MAD1L1: variants seen among roughly 807,000 people sequenced by gnomAD.
The protein encoded by MAD1L1 is mitotic arrest deficient 1 like 1.
MAD1L1 carries 95 observed loss-of-function variants against 96.9 expected under a neutral mutation model. The ratio of observed to expected loss-of-function variants is 0.98; its 90% CI spans 0.83 to 1.16. MAD1L1 has a LOEUF of 1.16. Among genes scored for constraint, MAD1L1 ranks in the 50% most tolerant of loss-of-function variants. The pLI is 0.00. For synonymous variants in MAD1L1, 473 were observed against 396.6 expected (o/e 1.19, Z -2.29); for missense variants, 1,007 against 954.4 (o/e 1.06, Z -0.73).
chr7:2,191,024 C>T (rs552338774), intron 10 of MAD1L1, among the ~76,000 whole-genome samples: 1 of 152,198 alleles, frequency 6.6e-6, no homozygotes, highest in Non-Finnish European at 1.5e-5. Context: ...CAAATGTTCA[C>T]AGAATCTTTA....
intron 11 of MAD1L1, among the ~76,000 whole-genome samples, chr7:2,129,366 C>T (rs1788398386): frequency 1.3e-5 from 2 of 152,206 alleles, no homozygotes; most frequent in African/African-American, 2.4e-5. Context: ...GGTCTGTCTC[C>T]GCGGGACTGT....
At chr7:2,047,098 G>A (rs1458835579) in intron 12 of MAD1L1, among the ~76,000 whole-genome samples, 2 of 152,156 alleles carry the variant, frequency 1.3e-5, no homozygotes, top group African/African-American at 2.4e-5. Flanking sequence ...AACAGTCTTC[G>A]GCTAAGGCCC....
At chr7:2,056,742 G>A (rs998375507) in intron 12 of MAD1L1, among the ~76,000 whole-genome samples, 4 of 152,204 alleles carry the variant, frequency 2.6e-5, no homozygotes, top group African/African-American at 9.7e-5. Flanking sequence ...GGCTCCAAGA[G>A]GCAGCCCAGG....
At chr7:2,199,654 G>C (rs1180059283) in intron 10 of MAD1L1, among the ~76,000 whole-genome samples, 1 of 152,254 alleles carries the variant, frequency 6.6e-6, no homozygotes, top group Admixed American at 6.5e-5. Context: ...GTGCCTCCCA[G>C]ACAACGGAAA....
At chr7:2,115,972 G>A (rs980490389) in intron 11 of MAD1L1, among the ~76,000 whole-genome samples, 1 of 146,488 alleles carries the variant, frequency 6.8e-6, no homozygotes, top group Non-Finnish European at 1.5e-5. Context: ...CGCTGCCGGA[G>A]ACGGTGGAGG....
In MAD1L1 at chr7:1,815,862, G is replaced by A; in HGVS notation, c.*208C>T. 1.8e-6 allele frequency: 1 copy of A among 557,316 alleles called. No individual in the cohort carries two copies. The highest frequency in any genetic ancestry group is 2.5e-5 in the South Asian group (1 of 40,378). The allele number at this position is 557,316 out of a possible 1,614,324, so 34.5% of individuals were successfully genotyped here. On this transcript the variant is annotated 3_prime_UTR_variant, in exon 19 of 19. Coordinates refer to ENST00000265854, the MANE Select transcript of MAD1L1 (RefSeq NM_001013836.2). ...CTGGTGGCCGACGCCCACACACCAG[G>A]CTCCGGGACGCATGGGGTCTGCACG...
chr7:2,127,516 C>T (rs1169315982), intron 11 of MAD1L1, among the ~76,000 whole-genome samples: 1 of 152,160 alleles, frequency 6.6e-6, no homozygotes, highest in Non-Finnish European at 1.5e-5. Context: ...CCCGACCACA[C>T]CGACCGGTAG....
At chr7:1,971,480 G>A (rs1780403448) in intron 15 of MAD1L1, among the ~76,000 whole-genome samples, 1 of 152,064 alleles carries the variant, frequency 6.6e-6, no homozygotes, top group South Asian at 2.1e-4. Flanking sequence ...AAAAACATGG[G>A]GAAGTGTTTA....
chr7:1,896,715 G>C (rs1165333869), intron 18 of MAD1L1, among the ~76,000 whole-genome samples: 3 of 152,228 alleles, frequency 2.0e-5, no homozygotes, highest in African/African-American at 7.2e-5. Flanking sequence ...ACTGTGGAGG[G>C]TGCCCCAAGG....
chr7:2,150,750 T>C (rs1637770), intron 10 of MAD1L1, among the ~76,000 whole-genome samples: 144,905 of 152,318 alleles, frequency 0.95, 69,008 homozygotes, highest in East Asian at 1. Context: ...CACCCAGGGC[T>C]GGTCATAAGC....
rs751244675 is a variant in MAD1L1, at chr7:2,014,540, T to C, written c.1321A>G (p.Met441Val). 2.5e-6 allele frequency: 4 copies of C among 1,609,212 alleles called. No homozygotes were observed. In the African/African-American group the frequency reaches 4.0e-5, roughly 16 times the overall value. ...LTRRMREAED[M>V]VQKVHSHSAE... Reference sequence around the variant, plus strand: ...CTGTGGCTGTGCACCTTCTGCACCATATCCTCAGCCTCCCGCATGCGCCGC... The same window carrying C: ...CTGTGGCTGTGCACCTTCTGCACCACATCCTCAGCCTCCCGCATGCGCCGC... The change falls in exon 13 of 19, where the codon ATG becomes GTG. Residue 441 changes from methionine (M) to valine (V), a missense_variant. Coordinates refer to ENST00000265854, the MANE Select transcript of MAD1L1 (RefSeq NM_001013836.2).
chr7:2,076,888 A>G (rs1442638785), intron 11 of MAD1L1, among the ~76,000 whole-genome samples: 3 of 148,394 alleles, frequency 2.0e-5, no homozygotes, highest in Non-Finnish European at 4.5e-5. Flanking sequence ...GGTGAGCCCA[A>G]GACAGGGTTA....
chr7:1,831,308 C>T (rs936915250), intron 18 of MAD1L1, among the ~76,000 whole-genome samples: 28 of 152,222 alleles, frequency 1.8e-4, no homozygotes, highest in African/African-American at 6.5e-4. Context: ...GTAATGGTTT[C>T]GGAGCTCCAC....
chr7:2,034,136 A>G (rs1312468949), intron 12 of MAD1L1, among the ~76,000 whole-genome samples: 1 of 152,244 alleles, frequency 6.6e-6, no homozygotes, highest in Non-Finnish European at 1.5e-5. Context: ...GATATGGGGA[A>G]AGCACTGAGT....
chr7:1,947,252 G>T (rs1779271720), intron 16 of MAD1L1, among the ~76,000 whole-genome samples: 1 of 152,214 alleles, frequency 6.6e-6, no homozygotes, highest in South Asian at 2.1e-4. Flanking sequence ...GTCCCTGCTG[G>T]GGAGGAGGCT....
chr7:2,122,677 G>A (rs1201712475), intron 11 of MAD1L1, among the ~76,000 whole-genome samples: 1 of 152,140 alleles, frequency 6.6e-6, no homozygotes, highest in Non-Finnish European at 1.5e-5. Context: ...CCAGGCAGGT[G>A]AGACTCAGGC....
chr7:2,184,021 C>T (rs1464954777), intron 10 of MAD1L1, among the ~76,000 whole-genome samples: 3 of 152,102 alleles, frequency 2.0e-5, no homozygotes, highest in South Asian at 2.1e-4. Context: ...GAGGCCGAGG[C>T]GGGTGGATCA....
At position 1,957,611 on chromosome 7, in the gene MAD1L1, A is replaced by G. The variant is rs183922568; in HGVS notation, c.1596+18T>C. On this transcript the variant is annotated intron_variant, in intron 16 of 18. Transcript: ENST00000265854. ...GAGGCCCAGGCAGTGCCTCACCCAGAGGCTGCCCCGCCCTCACCTGCAGAG... is the reference window on the plus strand; with the variant it reads ...GAGGCCCAGGCAGTGCCTCACCCAGGGGCTGCCCCGCCCTCACCTGCAGAG... The G allele has an allele frequency of 1.3e-4, 207 of 1,612,618 alleles. No individual in the cohort carries two copies. The African/African-American group carries it at 2.4e-3, about 19-fold the overall frequency.
chr7:1,932,516 C>T (rs1472398645), intron 17 of MAD1L1, among the ~76,000 whole-genome samples: 1 of 152,240 alleles, frequency 6.6e-6, no homozygotes, highest in Non-Finnish European at 1.5e-5. Context: ...GCTATGAGAT[C>T]CCGAGATGCA....
Sources: allele counts gnomAD v4.1 joint callset (sites outside exome capture counted in the v4.1 genomes callset), GRCh38; gene constraint gnomAD v4.1.1; transcripts MANE v1.5; gene names NCBI Gene and HGNC (gene_info 2026-07-23, HGNC 2026-07-21).